Variants in STXBP5L observed in about 807,000 individuals in gnomAD.
The protein encoded by STXBP5L is syntaxin-binding protein 5-like.
STXBP5L carries 65 observed loss-of-function variants against 144.5 expected under a neutral mutation model. That is an observed-to-expected ratio of 0.45 (90% CI 0.37 to 0.55). The LOEUF (loss-of-function observed/expected upper bound fraction) is 0.55, where lower values mean the gene tolerates loss of function less well. Ranked by LOEUF, STXBP5L falls within the 20% of genes least tolerant of loss-of-function variation. The pLI, the probability that STXBP5L is intolerant of heterozygous loss-of-function variation, is 0.00. For missense variants in STXBP5L, 1,298 were observed against 1,405.5 expected, an observed-to-expected ratio of 0.92 and a Z score of 1.22; for synonymous variants, 505 against 469.6, an observed-to-expected ratio of 1.08 and a Z score of -0.97.
chr3:121,233,839 C>A, intron 12 of STXBP5L, 151 bp downstream of exon 12: 1 of 588,862 alleles, frequency 1.7e-6, no homozygotes, highest in Non-Finnish European at 2.7e-6. Flanking sequence ...GAAAATTAAA[C>A]CAGAGGAATT....
At chr3:121,388,233 T>A (rs1328482606) in intron 22 of STXBP5L, among the ~76,000 whole-genome samples, 1 of 152,234 alleles carries the variant, frequency 6.6e-6, no homozygotes, top group East Asian at 1.9e-4. Context: ...TCTGTGATTT[T>A]TGCACGTTGA....
chr3:121,406,031 T>C (rs73191758), intron 22 of STXBP5L, among the ~76,000 whole-genome samples: 1 of 152,208 alleles, frequency 6.6e-6, no homozygotes, highest in Non-Finnish European at 1.5e-5. Flanking sequence ...AATGTGGTTT[T>C]ACTGAACAGC....
intron 3 of STXBP5L, among the ~76,000 whole-genome samples, chr3:120,962,356 C>G (rs1305903182): frequency 1.3e-5 from 2 of 152,316 alleles, no homozygotes; most frequent in African/African-American, 2.4e-5. Context: ...TTGCCCATGC[C>G]TATATCCTGA....
At chr3:121,130,416 A>T (rs1340717358) in intron 7 of STXBP5L, among the ~76,000 whole-genome samples, 1 of 152,124 alleles carries the variant, frequency 6.6e-6, no homozygotes. Flanking sequence ...GTTAGCCTTG[A>T]CTTTTCAAAA....
At chr3:121,097,831 A>G (rs946243877) in intron 5 of STXBP5L, among the ~76,000 whole-genome samples, 8 of 152,304 alleles carry the variant, frequency 5.3e-5, no homozygotes, top group Admixed American at 5.2e-4. Flanking sequence ...GAACTAATTG[A>G]AATGTGATCT....
At chr3:121,087,399 G>A (rs1020343780) in intron 5 of STXBP5L, among the ~76,000 whole-genome samples, 1 of 151,860 alleles carries the variant, frequency 6.6e-6, no homozygotes, top group Non-Finnish European at 1.5e-5. Flanking sequence ...ATATCTTCTT[G>A]GTAGAGTGAC....
At position 121,115,945 on chromosome 3, in the gene STXBP5L, G is replaced by A. The variant is rs551948849; in HGVS notation, c.605+886G>A. Among the ~76,000 whole-genome samples the A allele has an allele frequency of 3.0e-3, 461 of 152,206 alleles. 1 individual carries two copies. Among genetic ancestry groups the A allele is most frequent in the Non-Finnish European group, 5.4e-3 (365 of 68,006 alleles). ...GCAAGAACTCACTATTACAAGAAGA[G>A]CCCTAAGGGGATGGTGCTAAACCAT... On this transcript the variant is annotated intron_variant, in intron 6 of 26. Coordinates refer to ENST00000471454, the MANE Select transcript of STXBP5L (RefSeq NM_001308330.2).
At chr3:121,043,679 A>C (rs1947312711) in intron 4 of STXBP5L, among the ~76,000 whole-genome samples, 1 of 152,142 alleles carries the variant, frequency 6.6e-6, no homozygotes, top group Non-Finnish European at 1.5e-5. Context: ...ACTGCACTCC[A>C]GCCTGGCAAC....
chr3:121,084,655 C>G (rs1476976782), intron 5 of STXBP5L, among the ~76,000 whole-genome samples: 1 of 152,104 alleles, frequency 6.6e-6, no homozygotes, highest in Non-Finnish European at 1.5e-5. Flanking sequence ...ATGAATAGTG[C>G]TGCAATAAAC....
intron 3 of STXBP5L, among the ~76,000 whole-genome samples, chr3:120,982,903 C>T (rs1200525617): frequency 6.6e-6 from 1 of 152,128 alleles, no homozygotes; most frequent in Non-Finnish European, 1.5e-5. Context: ...GTCCTCAGGT[C>T]CCTAGGGTTC....
At chr3:121,038,421 G>T (rs539306061) in intron 3 of STXBP5L, among the ~76,000 whole-genome samples, 1 of 151,782 alleles carries the variant, frequency 6.6e-6, no homozygotes, top group East Asian at 1.9e-4. Flanking sequence ...GGGTTTTCTG[G>T]ATGTTATTAA....
chr3:120,957,406 G>T (rs1938156577), intron 3 of STXBP5L, among the ~76,000 whole-genome samples: 1 of 151,880 alleles, frequency 6.6e-6, no homozygotes, highest in Non-Finnish European at 1.5e-5. Flanking sequence ...AATGATAAGT[G>T]ATTTTTAAAA....
chr3:121,119,787 C>A (rs2044380403), intron 6 of STXBP5L, among the ~76,000 whole-genome samples: 1 of 151,184 alleles, frequency 6.6e-6, no homozygotes, highest in Non-Finnish European at 1.5e-5. Flanking sequence ...ATAATGTGAA[C>A]CCTTTTTCCT....
intron 5 of STXBP5L, among the ~76,000 whole-genome samples, chr3:121,078,516 C>A (rs1056835978): frequency 6.6e-6 from 1 of 152,268 alleles, no homozygotes; most frequent in Non-Finnish European, 1.5e-5. Context: ...CCTGCCAGTC[C>A]CGTGCCATGC....
At chr3:121,121,818 A>G (rs1437900935) in intron 7 of STXBP5L, 114 bp downstream of exon 7, 17 of 584,510 alleles carry the variant, frequency 2.9e-5, no homozygotes, top group Non-Finnish European at 4.9e-5. Context: ...ATTTTATATT[A>G]TGTAAAATGA....
chr3:121,086,026 T>A (rs775767156), intron 5 of STXBP5L, among the ~76,000 whole-genome samples: 2 of 152,036 alleles, frequency 1.3e-5, no homozygotes, highest in African/African-American at 2.4e-5. Flanking sequence ...CACATCTACA[T>A]CTGATCTTAG....
intron 20 of STXBP5L, among the ~76,000 whole-genome samples, chr3:121,338,714 C>T (rs2044601007): frequency 6.6e-6 from 1 of 150,926 alleles, no homozygotes; most frequent in African/African-American, 2.4e-5. Context: ...AAAATGGAGG[C>T]ATTACAGCTG....
chr3:121,086,712 A>C (rs1188108368), intron 5 of STXBP5L, among the ~76,000 whole-genome samples: 1 of 152,086 alleles, frequency 6.6e-6, no homozygotes, highest in Non-Finnish European at 1.5e-5. Flanking sequence ...TGTTCCAATG[A>C]GCATTTCCTT....
chr3:121,045,054 A>G (rs1028662718), intron 4 of STXBP5L, among the ~76,000 whole-genome samples: 10 of 152,134 alleles, frequency 6.6e-5, no homozygotes, highest in Admixed American at 1.3e-4. Flanking sequence ...GTAAGACTGC[A>G]TTGAATATTT....
Sources: gnomAD v4.1 joint callset for allele counts (sites outside exome capture counted in the v4.1 genomes callset) on GRCh38, gnomAD v4.1.1 for gene constraint, MANE v1.5 for transcripts, NCBI Gene and HGNC (gene_info 2026-07-23, HGNC 2026-07-21) for gene names.